Variants in EYA4 observed in about 807,000 individuals in gnomAD.
EYA4 encodes the protein protein phosphatase EYA4.
A neutral mutation model predicts 87.9 loss-of-function variants in EYA4; 31 were observed. The ratio of observed to expected loss-of-function variants is 0.35; its 90% CI spans 0.27 to 0.48. EYA4 has a LOEUF of 0.48. Among genes scored for constraint, EYA4 ranks in the 20% least tolerant of loss-of-function variants. The pLI, the probability that EYA4 is intolerant of heterozygous loss-of-function variation, is 0.99. For synonymous variants in EYA4, 263 were observed against 270.6 expected (o/e 0.97, Z 0.28); for missense variants, 678 against 761.4 (o/e 0.89, Z 1.29).
At chr6:133,419,480 T>G (rs1358736443) in intron 3 of EYA4, among the ~76,000 whole-genome samples, 4 of 152,292 alleles carry the variant, frequency 2.6e-5, no homozygotes, top group African/African-American at 9.6e-5. Flanking sequence ...TCTGAACTCT[T>G]GTAGGAAATG....
intron 2 of EYA4, among the ~76,000 whole-genome samples, chr6:133,347,705 C>T (rs990296670): frequency 6.6e-6 from 1 of 152,012 alleles, no homozygotes; most frequent in African/African-American, 2.4e-5. Context: ...TGTTGTTATG[C>T]CTATTTTAGA....
At chr6:133,378,343 C>G (rs940258091) in intron 2 of EYA4, among the ~76,000 whole-genome samples, 1 of 151,948 alleles carries the variant, frequency 6.6e-6, no homozygotes, top group African/African-American at 2.4e-5. Flanking sequence ...TTAATCATAC[C>G]TGTCTACATG....
intron 3 of EYA4, 70 bp from the exon 4 acceptor site, chr6:133,446,560 A>C: frequency 6.4e-7 from 1 of 1,563,892 alleles, no homozygotes; most frequent in Non-Finnish European, 8.8e-7. Flanking sequence ...TCAATAGAAT[A>C]ATATTTGTAA....
At chr6:133,351,974 G>T (rs1213075059) in intron 2 of EYA4, among the ~76,000 whole-genome samples, 2 of 146,802 alleles carry the variant, frequency 1.4e-5, no homozygotes, top group East Asian at 3.9e-4. Flanking sequence ...AAAACTTCAT[G>T]CTGTGTTAAA....
At chr6:133,368,184 T>TA (rs1257983654) in intron 2 of EYA4, among the ~76,000 whole-genome samples, 1 of 152,202 alleles carries the variant, frequency 6.6e-6, no homozygotes, top group Non-Finnish European at 1.5e-5. Context: ...TCAGAAAAAT[T>TA]ATAGTTATTT....
At chr6:133,260,824 C>T (rs760138342) in intron 1 of EYA4, among the ~76,000 whole-genome samples, 3 of 152,170 alleles carry the variant, frequency 2.0e-5, no homozygotes, top group South Asian at 2.1e-4. Context: ...GATGGTGGGC[C>T]GAGTTTTTCT....
rs146534811 is a variant in EYA4 at position 133,481,623 on chromosome 6, T to C, written c.1107+24T>C. 3.7e-6 allele frequency: 6 copies of C among 1,611,848 alleles called. No homozygotes were observed. In the African/African-American group the frequency reaches 5.3e-5, roughly 14 times the overall value. On this transcript the variant is annotated intron_variant, in intron 12 of 19. Coordinates refer to ENST00000355286, the MANE Select transcript of EYA4 (RefSeq NM_004100.5). ...AGGTATGCCTACTCATTCTTAAAGA[T>C]TGTAGTGTGATGCTTTATTTTACCG...
intron 3 of EYA4, among the ~76,000 whole-genome samples, chr6:133,423,650 A>T (rs1269382415): frequency 2.6e-5 from 4 of 152,240 alleles, no homozygotes; most frequent in Non-Finnish European, 4.4e-5. Context: ...CATTAAAATC[A>T]TTAAAAACAC....
intron 2 of EYA4, among the ~76,000 whole-genome samples, chr6:133,303,895 G>A (rs951747593): frequency 8.3e-6 from 1 of 121,092 alleles, no homozygotes; most frequent in Non-Finnish European, 2.1e-5. Flanking sequence ...AATTTAATAT[G>A]AGATTATTAG....
chr6:133,408,299 T>G (rs1434822107), intron 3 of EYA4, among the ~76,000 whole-genome samples: 1 of 152,206 alleles, frequency 6.6e-6, no homozygotes, highest in Non-Finnish European at 1.5e-5. Context: ...CTTGGCTGAT[T>G]CCATGCACAC....
chr6:133,515,430 C>T lies in EYA4; in HGVS notation c.1611C>T (p.Ser537=), dbSNP rs757995893. ...TNALKSLSII[S]TRSNCINVLV... is the part of the protein sequence containing the mutation. Reference sequence around the variant, plus strand: ...CACTTAAGTCTTTATCAATTATTAGCACTAGGTAAGTGGAATTGTTACCTT... The same window carrying T: ...CACTTAAGTCTTTATCAATTATTAGTACTAGGTAAGTGGAATTGTTACCTT... Residue 537 remains serine (S), a synonymous_variant, in exon 17 of 20, where the codon AGC becomes AGT. Coordinates refer to ENST00000355286, the MANE Select transcript of EYA4 (RefSeq NM_004100.5). The T allele has an allele frequency of 4.2e-5, 64 of 1,537,060 alleles. No homozygotes were observed. Among genetic ancestry groups the T allele is most frequent in the Middle Eastern group, 1.7e-4 (1 of 5,940 alleles).
intron 3 of EYA4, among the ~76,000 whole-genome samples, chr6:133,417,712 T>G (rs1031943994): frequency 1.5e-4 from 23 of 151,946 alleles, no homozygotes; most frequent in African/African-American, 5.6e-4. Flanking sequence ...CAAAACGTTA[T>G]TTTCTCCTTT....
intron 3 of EYA4, 128 bp from the exon 4 acceptor site, chr6:133,446,502 G>A: frequency 9.9e-7 from 1 of 1,008,052 alleles, no homozygotes; most frequent in Non-Finnish European, 1.5e-6. Flanking sequence ...TCATCTGGTT[G>A]ACTAAGTCTT....
rs1360378106 is a variant in EYA4, at chr6:133,462,338, C to G, written c.441C>G (p.Pro147=). ...QYSPQLYPSK[P]YPHILSTPAA... ...ATGCTATTTTTCTGATATTTAGGCC[C>G]TATCCACACATTCTTTCTACACCAG... is the stretch of plus-strand genomic sequence containing the variant. The change falls in exon 8 of 20, where the codon CCC becomes CCG. Residue 147 remains proline, a synonymous_variant. Coordinates refer to ENST00000355286, the MANE Select transcript of EYA4 (RefSeq NM_004100.5). The G allele has an allele frequency of 6.2e-7, 1 of 1,613,964 alleles. No individual in the cohort carries two copies. Among genetic ancestry groups the G allele is most frequent in the Admixed American group, 1.7e-5 (1 of 60,008 alleles).
chr6:133,380,007 C>A (rs1266887841), intron 2 of EYA4, among the ~76,000 whole-genome samples: 1 of 152,118 alleles, frequency 6.6e-6, no homozygotes, highest in Non-Finnish European at 1.5e-5. Flanking sequence ...ACTGAAATAC[C>A]TACTATTTCC....
chr6:133,333,342 A>G (rs1034862011), intron 2 of EYA4, among the ~76,000 whole-genome samples: 4 of 152,164 alleles, frequency 2.6e-5, no homozygotes, highest in African/African-American at 7.2e-5. Context: ...GAGGCAATGC[A>G]TTTTCCATGC....
At chr6:133,288,077 C>T (rs1290442617) in intron 2 of EYA4, among the ~76,000 whole-genome samples, 1 of 152,034 alleles carries the variant, frequency 6.6e-6, no homozygotes, top group Non-Finnish European at 1.5e-5. Context: ...GGCAGTGAGC[C>T]AAGATCATGC....
At chr6:133,258,010 G>T (rs1486728301) in intron 1 of EYA4, among the ~76,000 whole-genome samples, 1 of 152,082 alleles carries the variant, frequency 6.6e-6, no homozygotes, top group Non-Finnish European at 1.5e-5. Context: ...TTTCTTCAAA[G>T]AAACTCATTG....
rs552135943 is a variant in EYA4 at position 133,478,594 on chromosome 6, A to G, written c.971-2869A>G. Among the ~76,000 whole-genome samples the G allele has an allele frequency of 9.2e-5, 14 of 152,300 alleles. No individual in the cohort carries two copies. In the South Asian group the frequency reaches 2.7e-3, roughly 29 times the overall value. ...AAATTTTTAAAGAACAGTGCATGAC[A>G]TGTACTAAGGGGTGAATAAATGTAG... is the stretch of plus-strand genomic sequence containing the variant. On this transcript the variant is annotated intron_variant, in intron 11 of 19. Transcript: ENST00000355286.
Sources: gnomAD v4.1 joint callset for allele counts (sites outside exome capture counted in the v4.1 genomes callset) on GRCh38, gnomAD v4.1.1 for gene constraint, MANE v1.5 for transcripts, NCBI Gene and HGNC (gene_info 2026-07-23, HGNC 2026-07-21) for gene names.